CD300C: variants seen among roughly 807,000 people sequenced by gnomAD.
CD300C encodes the protein CMRF35-like molecule 6.
In CD300C, 11 loss-of-function variants were observed where a neutral mutation model predicts 18.4. The observed-to-expected ratio is 0.60, with a 90% CI of 0.38 to 0.99. CD300C has a LOEUF of 0.99. Among genes scored for constraint, CD300C ranks in the 50% least tolerant of loss-of-function variants. The pLI, the probability that CD300C is intolerant of heterozygous loss-of-function variation, is 0.01. For synonymous variants in CD300C, 116 were observed against 116.3 expected (o/e 1.00, Z 0.02); for missense variants, 277 against 287.4 (o/e 0.96, Z 0.26).
Position 74,541,472 on chromosome 17 carries a change from C to T in CD300C, c.*117G>A, listed in dbSNP as rs1908543755. 4 of 737,518 alleles carry T rather than the reference C, an allele frequency of 5.4e-6. No homozygotes were observed. Among genetic ancestry groups the T allele is most frequent in the African/African-American group, 1.7e-5 (1 of 58,130 alleles). 45.7% of individuals were successfully genotyped at this position (737,518 alleles called of 1,614,324 possible). On this transcript the variant is annotated 3_prime_UTR_variant, in exon 4 of 4. Coordinates refer to ENST00000330793, the MANE Select transcript of CD300C (RefSeq NM_006678.5). ...GGCACAGGGAAAAGGCTGAAGGAGG[C>T]TCACAAAGGATTCCAGGAGATGTGG...
chr17:74,534,918 C>T, the CD300C span, among the ~76,000 whole-genome samples: 1 of 152,140 alleles, frequency 6.6e-6, no homozygotes, highest in Non-Finnish European at 1.5e-5. Context: ...AGGAAGAGGA[C>T]AAGATTGCTC....
downstream of CD300C, among the ~76,000 whole-genome samples, chr17:74,538,365 A>G (rs1598135479): frequency 1.3e-5 from 2 of 152,332 alleles, no homozygotes; most frequent in African/African-American, 4.8e-5. Flanking sequence ...GATCAGGAGC[A>G]GGATGTGGAG....
downstream of CD300C, among the ~76,000 whole-genome samples, chr17:74,540,567 T>C (rs1908513342): frequency 6.6e-6 from 1 of 152,108 alleles, no homozygotes; most frequent in African/African-American, 2.4e-5. Flanking sequence ...GGCGAGGCCC[T>C]CCTTGACCAG....
At chr17:74,537,061 A>AAGGAGG (rs55795122), downstream of CD300C, among the ~76,000 whole-genome samples, 2 of 137,984 alleles carry the variant, frequency 1.4e-5, no homozygotes, top group African/African-American at 6.7e-5. Flanking sequence ...AAAAGAAGAA[A>AAGGAGG]AGGAGGAGGA....
Position 74,541,468 on chromosome 17 carries a change from G to T in CD300C, c.*121C>A. On this transcript the variant is annotated 3_prime_UTR_variant, in exon 4 of 4. Transcript: ENST00000330793. ...ATCGGGCACAGGGAAAAGGCTGAAG[G>T]AGGCTCACAAAGGATTCCAGGAGAT... 1.4e-6 allele frequency: 1 copy of T among 726,898 alleles called. No homozygotes were observed. The highest frequency in any genetic ancestry group is 2.5e-6 in the Non-Finnish European group (1 of 404,314). 45.0% of individuals were successfully genotyped at this position (726,898 alleles called of 1,614,324 possible).
In CD300C at chr17:74,545,968, G is replaced by A. The variant is rs948150307; in HGVS notation, c.-186C>T. 27 of 596,740 alleles carry A rather than the reference G, an allele frequency of 4.5e-5. No individual in the cohort carries two copies. Among genetic ancestry groups the A allele is most frequent in the Non-Finnish European group, 3.0e-6 (1 of 331,544 alleles). 37.0% of individuals were successfully genotyped at this position (596,740 alleles called of 1,614,324 possible). A position where few individuals can be genotyped will look rare whatever the true frequency, so the allele number is the denominator to read the frequency against. On this transcript the variant is annotated 5_prime_UTR_variant, in exon 1 of 4. Transcript: ENST00000330793. ...AGGAAGCTCAGGGAGAGAGCCGCCTGGGCTGAGGCCGGTGCTGACAGCTCT... is the reference window on the plus strand; with the variant it reads ...AGGAAGCTCAGGGAGAGAGCCGCCTAGGCTGAGGCCGGTGCTGACAGCTCT...
chr17:74,536,691 C>A (rs1908388066), downstream of CD300C, among the ~76,000 whole-genome samples: 1 of 151,990 alleles, frequency 6.6e-6, no homozygotes, highest in Non-Finnish European at 1.5e-5. Context: ...AATGAGATAC[C>A]ATTTCATACC....
intron 2 of CD300C, among the ~76,000 whole-genome samples, chr17:74,544,053 G>C (rs1245529141): frequency 6.6e-6 from 1 of 152,184 alleles, no homozygotes; most frequent in Admixed American, 6.5e-5. Context: ...GAGCTCCCAG[G>C]ACAGGGCTGT....
In CD300C at chr17:74,544,716, T is replaced by C; in HGVS notation, c.293A>G (p.Glu98Gly). The C allele has an allele frequency of 6.2e-7, 1 of 1,614,236 alleles. No homozygotes were observed. Among genetic ancestry groups the C allele is most frequent in the African/African-American group, 1.3e-5 (1 of 75,064 alleles). ...PANLSFTVTLENLTEEDAGTY... is the reference protein window; with the variant it reads ...PANLSFTVTLGNLTEEDAGTY... Reference sequence around the variant, plus strand: ...GCCTGCGTCCTCCTCTGTGAGATTCTCCAGGGTCACTGTGAAGCTGAGGTT... The same window carrying C: ...GCCTGCGTCCTCCTCTGTGAGATTCCCCAGGGTCACTGTGAAGCTGAGGTT... Residue 98 changes from glutamate to glycine, a missense_variant, in exon 2 of 4, where the codon GAG becomes GGG. Glu to Gly is a moderately conservative substitution (Grantham distance 98). Coordinates refer to ENST00000330793, the MANE Select transcript of CD300C (RefSeq NM_006678.5).
At chr17:74,539,326 G>C (rs577213328), downstream of CD300C, among the ~76,000 whole-genome samples, 1 of 152,102 alleles carries the variant, frequency 6.6e-6, no homozygotes, top group South Asian at 2.1e-4. Flanking sequence ...TGATGCCCCC[G>C]ACTCACATCA....
At chr17:74,535,196 C>T in the CD300C span, among the ~76,000 whole-genome samples, 6 of 151,984 alleles carry the variant, frequency 3.9e-5, no homozygotes, top group Admixed American at 6.6e-5. Context: ...GGGCGGGGCG[C>T]GGTGGCTCAT....
At chr17:74,539,119 T>A (rs1373785584), downstream of CD300C, among the ~76,000 whole-genome samples, 1 of 152,166 alleles carries the variant, frequency 6.6e-6, no homozygotes, top group African/African-American at 2.4e-5. Context: ...TTAAGCATAT[T>A]CCTTGACTCT....
At chr17:74,543,059 C>T in intron 2 of CD300C, 72 bp from the exon 3 acceptor site, 1 of 1,577,678 alleles carries the variant, frequency 6.3e-7, no homozygotes, top group Non-Finnish European at 8.6e-7. Flanking sequence ...TGTTCTGCTC[C>T]AATTTTCACA....
Position 74,545,653 on chromosome 17 carries a change from C to G in CD300C, c.61+69G>C, listed in dbSNP as rs747096976. 4.0e-6 allele frequency: 5 copies of G among 1,251,546 alleles called. No individual in the cohort carries two copies. In the Admixed American group the frequency reaches 9.7e-5, roughly 24 times the overall value. 77.5% of individuals were successfully genotyped at this position (1,251,546 alleles called of 1,614,324 possible). A position where few individuals can be genotyped will look rare whatever the true frequency, so the allele number is the denominator to read the frequency against. ...CTCCCCTCTATGACCGCTACTCCAGCGCCTGCACCCCTCCCTGCCCTCTCC... is the reference window on the plus strand; with the variant it reads ...CTCCCCTCTATGACCGCTACTCCAGGGCCTGCACCCCTCCCTGCCCTCTCC... On this transcript the variant is annotated intron_variant, in intron 1 of 3. Transcript: ENST00000330793.
downstream of CD300C, among the ~76,000 whole-genome samples, chr17:74,537,323 C>T (rs755684653): frequency 6.6e-6 from 1 of 152,116 alleles, no homozygotes; most frequent in South Asian, 2.1e-4. Flanking sequence ...CACATCAGTG[C>T]GTCAACACAT....
downstream of CD300C, among the ~76,000 whole-genome samples, chr17:74,540,607 G>A (rs1908514581): frequency 6.6e-6 from 1 of 152,166 alleles, no homozygotes; most frequent in Non-Finnish European, 1.5e-5. Context: ...CTGCCTCACA[G>A]GGGTCTTGGG....
the CD300C span, among the ~76,000 whole-genome samples, chr17:74,535,142 T>C: frequency 2.0e-5 from 3 of 152,260 alleles, no homozygotes; most frequent in East Asian, 5.8e-4. Context: ...TCTACATGCA[T>C]GCAATGAATA....
At position 74,541,730 on chromosome 17, in the gene CD300C, C is replaced by G. The variant is rs1244225091; in HGVS notation, c.534G>C (p.Leu178=). 12 of 1,613,290 alleles carry G rather than the reference C, an allele frequency of 7.4e-6. No homozygotes were observed. Among genetic ancestry groups the G allele is most frequent in the Non-Finnish European group, 1.0e-5 (12 of 1,179,602 alleles). Residue 178 remains leucine, a synonymous_variant, in exon 4 of 4, where the codon CTG becomes CTC. Transcript: ENST00000330793. ...GGAGCAGGAAGCGGACATTGCTGAA[C>G]AGGGAGCTGTGGGGACACGGTGACA... is the stretch of plus-strand genomic sequence containing the variant. ...SPEPSPHPGS[L]FSNVRFLLLV...
At chr17:74,539,414 G>A (rs1267099892), downstream of CD300C, among the ~76,000 whole-genome samples, 1 of 152,132 alleles carries the variant, frequency 6.6e-6, no homozygotes, top group African/African-American at 2.4e-5. Flanking sequence ...ACCCAGCTTG[G>A]CAGTAGCTGG....
Sources: allele counts gnomAD v4.1 joint callset (sites outside exome capture counted in the v4.1 genomes callset), GRCh38; gene constraint gnomAD v4.1.1; transcripts MANE v1.5; gene names NCBI Gene and HGNC (gene_info 2026-07-23, HGNC 2026-07-21).